AFAP1L2: variants seen among roughly 807,000 people sequenced by gnomAD.
AFAP1L2 encodes actin filament-associated protein 1-like 2.
In AFAP1L2, 46 loss-of-function variants were observed where a neutral mutation model predicts 99.3. The observed-to-expected ratio is 0.46, with a 90% confidence interval of 0.37 to 0.59. The LOEUF is 0.59. Ranked by LOEUF, AFAP1L2 falls within the 20% of genes least tolerant of loss-of-function variation. The pLI is 0.00. For synonymous variants in AFAP1L2, 397 were observed against 419.1 expected (o/e 0.95, Z 0.64); for missense variants, 959 against 1,034.9 (o/e 0.93, Z 1.01).
At chr10:114,335,975 T>C (rs929370606) in intron 2 of AFAP1L2, among the ~76,000 whole-genome samples, 2 of 148,454 alleles carry the variant, frequency 1.3e-5, no homozygotes, top group African/African-American at 2.4e-5. Flanking sequence ...TTTTATATCA[T>C]TAACTAAGTT....
Position 114,349,187 on chromosome 10 carries a change from G to C in AFAP1L2, c.17-8456C>G, listed in dbSNP as rs190279920. Among the ~76,000 whole-genome samples, 611 of 151,796 alleles carry C rather than the reference G, an allele frequency of 4.0e-3. 6 individuals carry two copies. Among genetic ancestry groups the C allele is most frequent in the African/African-American group, 0.014 (580 of 41,440 alleles). Reference sequence around the variant, plus strand: ...GAGGTCAAGGGTTTGAGACCAGCCCGGCCAACATGGCAAAACCCCGCCTCT... The same window carrying C: ...GAGGTCAAGGGTTTGAGACCAGCCCCGCCAACATGGCAAAACCCCGCCTCT... On this transcript the variant is annotated intron_variant, in intron 1 of 18. Transcript: ENST00000304129.
At chr10:114,310,529 C>A (rs2043068475) in intron 7 of AFAP1L2, 86 bp from the exon 8 acceptor site, 2 of 1,237,594 alleles carry the variant, frequency 1.6e-6, no homozygotes, top group South Asian at 2.8e-5. Flanking sequence ...CCCTGCAGGT[C>A]AGGGGAGAGT....
downstream of AFAP1L2, among the ~76,000 whole-genome samples, chr10:114,291,932 C>T (rs796525476): frequency 1.2e-4 from 19 of 152,202 alleles, no homozygotes; most frequent in African/African-American, 3.9e-4. Context: ...GGAGGGGCCA[C>T]GTAAAATCGT....
intron 5 of AFAP1L2, among the ~76,000 whole-genome samples, chr10:114,317,899 G>A (rs565022234): frequency 6.6e-6 from 1 of 152,308 alleles, no homozygotes; most frequent in East Asian, 1.9e-4. Context: ...ACATGCATTA[G>A]GATATTCATT....
chr10:114,294,031 TTCC>T (rs1202114622), downstream of AFAP1L2, among the ~76,000 whole-genome samples: 1 of 152,334 alleles, frequency 6.6e-6, no homozygotes, highest in African/African-American at 2.4e-5. Context: ...ATGCTTTTTC[TTCC>T]TCAAGATAAT....
chr10:114,380,024 A>T (rs1032023215), intron 1 of AFAP1L2, among the ~76,000 whole-genome samples: 1 of 152,174 alleles, frequency 6.6e-6, no homozygotes, highest in Non-Finnish European at 1.5e-5. Flanking sequence ...CCTTCCAGGG[A>T]TCTTGAGTTA....
chr10:114,337,823 G>A (rs758775942), intron 2 of AFAP1L2, among the ~76,000 whole-genome samples: 9 of 152,172 alleles, frequency 5.9e-5, no homozygotes, highest in South Asian at 2.1e-4. Context: ...GGAACATATC[G>A]GAAGTGGTGT....
intron 6 of AFAP1L2, 25 bp from the exon 7 acceptor site, chr10:114,314,075 C>T: frequency 6.3e-7 from 1 of 1,596,062 alleles, no homozygotes; most frequent in Non-Finnish European, 8.6e-7. Flanking sequence ...AGAAGATACA[C>T]CACTTTGCCA....
intron 4 of AFAP1L2, among the ~76,000 whole-genome samples, chr10:114,323,891 T>C (rs1423567612): frequency 6.6e-6 from 1 of 152,182 alleles, no homozygotes; most frequent in African/African-American, 2.4e-5. Context: ...AAGGTCAAAG[T>C]TCTGTGAGAA....
intron 1 of AFAP1L2, 81 bp from the exon 2 acceptor site, chr10:114,340,812 G>A: frequency 6.3e-7 from 1 of 1,590,448 alleles, no homozygotes; most frequent in Non-Finnish European, 8.6e-7. Flanking sequence ...GGACCCTGCA[G>A]CCTCCCACCT....
intron 13 of AFAP1L2, among the ~76,000 whole-genome samples, chr10:114,300,999 A>G (rs1021051016): frequency 5.3e-5 from 8 of 152,194 alleles, no homozygotes; most frequent in Non-Finnish European, 1.0e-4. Context: ...CACAGGGTTC[A>G]GTGCCCAAAA....
rs1477936520 is a variant in AFAP1L2, at chr10:114,358,112, T to A, written c.17-17381A>T. On this transcript the variant is annotated intron_variant, in intron 1 of 18. Coordinates refer to ENST00000304129, the MANE Select transcript of AFAP1L2 (RefSeq NM_001001936.3). Reference sequence around the variant, plus strand: ...AACCTAGGAATAAACAAGCCTCTCTTTTGTTTTCTGTTGTTCTGAATATAA... The same window carrying A: ...AACCTAGGAATAAACAAGCCTCTCTATTGTTTTCTGTTGTTCTGAATATAA... 5.9e-5 allele frequency among the ~76,000 whole-genome samples: 9 copies of A among 152,188 alleles called. No individual in the cohort carries two copies. The East Asian group carries it at 1.7e-3, about 29-fold the overall frequency.
chr10:114,349,257 A>C (rs1477712171), intron 1 of AFAP1L2, among the ~76,000 whole-genome samples: 2 of 152,070 alleles, frequency 1.3e-5, no homozygotes, highest in Admixed American at 1.3e-4. Flanking sequence ...ACACACCTGT[A>C]ATCCCAGCCA....
At chr10:114,342,733 C>T (rs1269248162) in intron 1 of AFAP1L2, among the ~76,000 whole-genome samples, 1 of 152,148 alleles carries the variant, frequency 6.6e-6, no homozygotes, top group African/African-American at 2.4e-5. Context: ...GCCCTGTGGC[C>T]CCCTCTCAGA....
At chr10:114,325,910 G>A (rs1487258610) in intron 4 of AFAP1L2, 5 of 1,289,208 alleles carry the variant, frequency 3.9e-6, no homozygotes, top group Non-Finnish European at 5.1e-6. Flanking sequence ...TCCCCAGTGG[G>A]TCCCAGGGCT....
rs73369112 is a variant in AFAP1L2 at position 114,365,209 on chromosome 10, A to G, written c.17-24478T>C. Among the ~76,000 whole-genome samples the G allele has an allele frequency of 2.6e-3, 401 of 152,212 alleles. 2 individuals are homozygous for G. Among genetic ancestry groups the G allele is most frequent in the African/African-American group, 9.0e-3 (374 of 41,534 alleles). On this transcript the variant is annotated intron_variant, in intron 1 of 18. Coordinates refer to ENST00000304129, the MANE Select transcript of AFAP1L2 (RefSeq NM_001001936.3). ...GGCCCAGAAGTGTCTAGGTATGGAC[A>G]TTGTTCTCTTCTGGTATGGACATTG...
At chr10:114,291,140 A>AG, downstream of AFAP1L2, 1 of 1,505,208 alleles carries the variant, frequency 6.6e-7, no homozygotes, top group South Asian at 1.2e-5. Context: ...CAGGACCTGA[A>AG]GGGGTCCTCA....
chr10:114,376,190 C>G (rs555674), intron 1 of AFAP1L2, among the ~76,000 whole-genome samples: 138,985 of 152,258 alleles, frequency 0.91, 64,489 homozygotes, highest in East Asian at 1. Flanking sequence ...GTGAGATCTT[C>G]CAGGGGAAGA....
At chr10:114,289,697 T>C in the AFAP1L2 span, 1 of 605,852 alleles carries the variant, frequency 1.7e-6, no homozygotes, top group Middle Eastern at 4.0e-4. Flanking sequence ...ACAGAAAGTT[T>C]AACTAACATA....
Sources: gnomAD v4.1 joint callset for allele counts (sites outside exome capture counted in the v4.1 genomes callset) on GRCh38, gnomAD v4.1.1 for gene constraint, MANE v1.5 for transcripts, NCBI Gene and HGNC (gene_info 2026-07-23, HGNC 2026-07-21) for gene names.